Variants in HEMK2 observed in about 807,000 individuals in gnomAD.
HEMK2 encodes the protein HemK methyltransferase 2, ETF1 glutamine and histone H4 lysine.
At chr21:28,667,236 T>C in the HEMK2 span, among the ~76,000 whole-genome samples, 1 of 152,210 alleles carries the variant, frequency 6.6e-6, no homozygotes, top group South Asian at 2.1e-4. Context: ...TCATGGAATA[T>C]ATAAACATGT....
chr21:28,830,196 C>G, the HEMK2 span, among the ~76,000 whole-genome samples: 1 of 152,126 alleles, frequency 6.6e-6, no homozygotes, highest in Non-Finnish European at 1.5e-5. Flanking sequence ...GGCTCTGTGT[C>G]CCCACTCAAA....
chr21:28,763,389 G>A, the HEMK2 span, among the ~76,000 whole-genome samples: 1 of 152,082 alleles, frequency 6.6e-6, no homozygotes, highest in African/African-American at 2.4e-5. Context: ...GAGGAAGCAA[G>A]AGAGAGAGCA....
At chr21:28,608,477 C>T in the HEMK2 span, among the ~76,000 whole-genome samples, 1 of 151,720 alleles carries the variant, frequency 6.6e-6, no homozygotes, top group Non-Finnish European at 1.5e-5. Context: ...ATGGACAGAG[C>T]AGCATATGGA....
the HEMK2 span, chr21:28,876,285 C>A: frequency 2.6e-6 from 2 of 778,268 alleles, no homozygotes; most frequent in South Asian, 2.5e-5. Flanking sequence ...TTTTTAATGA[C>A]AAATTTCTGA....
At chr21:28,796,228 G>A in the HEMK2 span, among the ~76,000 whole-genome samples, 11 of 152,036 alleles carry the variant, frequency 7.2e-5, no homozygotes, top group Non-Finnish European at 1.3e-4. Context: ...TCCGCCACCC[G>A]CCCCACTCTC....
chr21:28,650,963 T>C, the HEMK2 span, among the ~76,000 whole-genome samples: 1 of 151,978 alleles, frequency 6.6e-6, no homozygotes. Context: ...AGAGTGGTAG[T>C]GGGGAAAGTG....
the HEMK2 span, among the ~76,000 whole-genome samples, chr21:28,801,399 GA>G: frequency 2.6e-5 from 4 of 151,858 alleles, no homozygotes; most frequent in Admixed American, 2.6e-4. Context: ...TTTTAAAAGG[GA>G]TAACTTCTTT....
At chr21:28,746,259 TC>T in the HEMK2 span, among the ~76,000 whole-genome samples, 4 of 152,360 alleles carry the variant, frequency 2.6e-5, no homozygotes, top group East Asian at 7.7e-4. Flanking sequence ...GTATACTTCA[TC>T]ACTGTAAATA....
chr21:28,768,801 C>T, the HEMK2 span, among the ~76,000 whole-genome samples: 1 of 151,920 alleles, frequency 6.6e-6, no homozygotes, highest in Admixed American at 6.6e-5. Flanking sequence ...TATTTGGACA[C>T]AGGATCTTTA....
At chr21:28,721,937 CAT>C in the HEMK2 span, among the ~76,000 whole-genome samples, 14,361 of 131,426 alleles carry the variant, frequency 0.11, 940 homozygotes, top group African/African-American at 0.19. Flanking sequence ...CACACACACA[CAT>C]ACACCTATTT....
At chr21:28,763,708 C>G in the HEMK2 span, among the ~76,000 whole-genome samples, 1 of 152,110 alleles carries the variant, frequency 6.6e-6, no homozygotes, top group Non-Finnish European at 1.5e-5. Flanking sequence ...AAAGGGGAAG[C>G]TATGTCATCA....
At chr21:28,718,120 T>C in the HEMK2 span, among the ~76,000 whole-genome samples, 4 of 152,218 alleles carry the variant, frequency 2.6e-5, no homozygotes, top group African/African-American at 9.6e-5. Context: ...TGGTATGTTG[T>C]GTCTGTTTTC....
chr21:28,594,034 C>T, the HEMK2 span, among the ~76,000 whole-genome samples: 1 of 152,172 alleles, frequency 6.6e-6, no homozygotes, highest in East Asian at 1.9e-4. Flanking sequence ...ATAGCATTTA[C>T]CCTGACATGA....
At chr21:28,761,999 A>T in the HEMK2 span, among the ~76,000 whole-genome samples, 1 of 152,170 alleles carries the variant, frequency 6.6e-6, no homozygotes, top group Non-Finnish European at 1.5e-5. Flanking sequence ...GTCTCTGCTC[A>T]TTAGGAATAA....
chr21:28,662,144 C>T, the HEMK2 span, among the ~76,000 whole-genome samples: 1 of 152,170 alleles, frequency 6.6e-6, no homozygotes, highest in African/African-American at 2.4e-5. Context: ...GGGGAAGAGG[C>T]CCATGAAGCA....
chr21:28,846,155 C>T, the HEMK2 span, among the ~76,000 whole-genome samples: 1 of 152,152 alleles, frequency 6.6e-6, no homozygotes, highest in Non-Finnish European at 1.5e-5. Context: ...GCACAGTATT[C>T]CATGGTGTAC....
chr21:28,826,271 T>C, the HEMK2 span, among the ~76,000 whole-genome samples: 1 of 152,164 alleles, frequency 6.6e-6, no homozygotes, highest in South Asian at 2.1e-4. Context: ...TACACATCAG[T>C]AGGGGAACTA....
the HEMK2 span, chr21:28,882,275 T>C: frequency 1.3e-6 from 2 of 1,562,158 alleles, no homozygotes; most frequent in Non-Finnish European, 1.8e-6. Flanking sequence ...GGAAGGAAAC[T>C]ATATCCTATG....
the HEMK2 span, among the ~76,000 whole-genome samples, chr21:28,778,868 C>A: frequency 2.6e-5 from 4 of 151,964 alleles, no homozygotes. Context: ...ATATTTTCTC[C>A]CAGTCTATAT....
Sources: allele counts gnomAD v4.1 joint callset (sites outside exome capture counted in the v4.1 genomes callset), GRCh38; gene constraint gnomAD v4.1.1; transcripts MANE v1.5; gene names NCBI Gene and HGNC (gene_info 2026-07-23, HGNC 2026-07-21).